The following PTK2 variants were observed in gnomAD, a reference collection of about 807,000 sequenced individuals.
The protein encoded by PTK2 is focal adhesion kinase 1.
PTK2 carries 45 observed loss-of-function variants against 150.1 expected under a neutral mutation model. The ratio of observed to expected loss-of-function variants is 0.30; its 90% CI spans 0.24 to 0.38. PTK2 has a LOEUF of 0.38. PTK2 is among the 10% of genes least tolerant of loss of function. The pLI is 1.00. For synonymous variants in PTK2, 432 were observed against 449.2 expected (o/e 0.96, Z 0.48); for missense variants, 919 against 1,307.3 (o/e 0.70, Z 4.58).
At chr8:140,880,403 T>C (rs1250450100) in intron 3 of PTK2, among the ~76,000 whole-genome samples, 2 of 152,108 alleles carry the variant, frequency 1.3e-5, no homozygotes, top group African/African-American at 4.8e-5. Context: ...CCTACCTAGG[T>C]ATGAGGGCCA....
intron 1 of PTK2, chr8:140,927,416 T>A (rs1337139079): frequency 6.6e-6 from 1 of 152,184 alleles, no homozygotes; most frequent in Non-Finnish European, 1.5e-5. Flanking sequence ...CCAAGCTAAC[T>A]GAAACAGAGA....
chr8:140,890,808 T>C lies in PTK2; in HGVS notation c.-32-39A>G, dbSNP rs147132163. On this transcript the variant is annotated intron_variant, in intron 2 of 31. Transcript: ENST00000522684. The stretch of plus-strand genomic sequence containing the variant: ...AAAATAATTTTTTGTGTATAATACT[T>C]GAAATCTACCAATTACAATGTGATA... The C allele has an allele frequency of 7.3e-4, 1,109 of 1,519,408 alleles. 9 individuals carry two copies. The African/African-American group carries it at 0.013, about 18-fold the overall frequency. The allele number at this position is 1,519,408 out of a possible 1,614,324, so 94.1% of individuals were successfully genotyped here.
intron 1 of PTK2, among the ~76,000 whole-genome samples, chr8:140,957,338 G>A (rs1030053145): frequency 6.6e-6 from 1 of 152,120 alleles, no homozygotes; most frequent in South Asian, 2.1e-4. Flanking sequence ...TGAGGTGGGA[G>A]GATCACTTGA....
At chr8:140,666,961 A>G (rs1420513699) in intron 30 of PTK2, among the ~76,000 whole-genome samples, 1 of 152,252 alleles carries the variant, frequency 6.6e-6, no homozygotes. Flanking sequence ...ATTCTGACAC[A>G]TGCTACAACA....
chr8:140,807,371 A>G (rs1347088414), intron 10 of PTK2, among the ~76,000 whole-genome samples: 2 of 152,386 alleles, frequency 1.3e-5, no homozygotes, highest in East Asian at 3.8e-4. Context: ...GACTAGGTAT[A>G]TTACATTCAG....
At chr8:140,759,824 C>G (rs943970043) in intron 16 of PTK2, among the ~76,000 whole-genome samples, 4 of 151,872 alleles carry the variant, frequency 2.6e-5, no homozygotes, top group African/African-American at 9.7e-5. Flanking sequence ...GCCTGACTGA[C>G]AGAGCAAGAC....
chr8:140,797,606 T>C (rs190415808), intron 12 of PTK2, among the ~76,000 whole-genome samples: 1 of 152,294 alleles, frequency 6.6e-6, no homozygotes, highest in African/African-American at 2.4e-5. Flanking sequence ...CAACTCTATA[T>C]TACACTATAC....
chr8:140,854,380 AAACT>A (rs552845623), intron 5 of PTK2, among the ~76,000 whole-genome samples: 62 of 152,348 alleles, frequency 4.1e-4, no homozygotes, highest in African/African-American at 1.4e-3. Flanking sequence ...ACTGGCCTTC[AAACT>A]AACAGCCACC....
At chr8:140,979,415 A>G (rs1271880718) in intron 1 of PTK2, among the ~76,000 whole-genome samples, 3 of 151,862 alleles carry the variant, frequency 2.0e-5, no homozygotes, top group Admixed American at 1.3e-4. Context: ...AAAAAAAAAA[A>G]GGCCAGAAAC....
At chr8:140,980,455 T>C (rs964841582) in intron 1 of PTK2, among the ~76,000 whole-genome samples, 9 of 152,018 alleles carry the variant, frequency 5.9e-5, no homozygotes, top group African/African-American at 2.2e-4. Flanking sequence ...ACCCCGTCTC[T>C]ACTAAAAATA....
chr8:140,835,998 G>T (rs971220414), intron 7 of PTK2, among the ~76,000 whole-genome samples: 1 of 152,100 alleles, frequency 6.6e-6, no homozygotes, highest in Non-Finnish European at 1.5e-5. Context: ...GCTGGCTCCT[G>T]ACCTGCATCC....
At chr8:140,918,094 A>C (rs978237969) in intron 2 of PTK2, among the ~76,000 whole-genome samples, 3 of 152,228 alleles carry the variant, frequency 2.0e-5, no homozygotes, top group African/African-American at 7.2e-5. Context: ...AGCTCATTTA[A>C]GCTGAGACCG....
At chr8:140,835,596 T>C (rs1485572305) in intron 7 of PTK2, among the ~76,000 whole-genome samples, 1 of 152,196 alleles carries the variant, frequency 6.6e-6, no homozygotes, top group Non-Finnish European at 1.5e-5. Flanking sequence ...ATTCTCCCCT[T>C]CATCCTGGGG....
intron 20 of PTK2, among the ~76,000 whole-genome samples, chr8:140,741,255 T>A (rs967408943): frequency 4.0e-5 from 6 of 151,678 alleles, no homozygotes; most frequent in Admixed American, 1.3e-4. Flanking sequence ...ATTGAGACCA[T>A]CCTGGCTAAC....
At chr8:140,785,323 A>G (rs1445605098) in intron 14 of PTK2, among the ~76,000 whole-genome samples, 3 of 152,234 alleles carry the variant, frequency 2.0e-5, no homozygotes, top group Admixed American at 6.5e-5. Context: ...AAACAATTAC[A>G]AAACTTATAT....
intron 3 of PTK2, among the ~76,000 whole-genome samples, chr8:140,889,285 A>G (rs536259287): frequency 1.3e-5 from 2 of 152,168 alleles, no homozygotes; most frequent in African/African-American, 4.8e-5. Context: ...GCTAGAGTGC[A>G]GTGGCACGAT....
At chr8:140,945,692 A>G (rs1017852027) in intron 1 of PTK2, among the ~76,000 whole-genome samples, 1 of 152,176 alleles carries the variant, frequency 6.6e-6, no homozygotes, top group Non-Finnish European at 1.5e-5. Flanking sequence ...GATTGTCACA[A>G]TTCCCATTTA....
chr8:140,660,669 T>A lies in PTK2; in HGVS notation c.2947-991A>T, dbSNP rs530295469. 1.3e-5 allele frequency: 6 copies of A among 454,160 alleles called. No individual in the cohort carries two copies. The East Asian group carries it at 2.8e-4, about 21-fold the overall frequency. The allele number at this position is 454,160 out of a possible 1,614,324, so 28.1% of individuals were successfully genotyped here. ...TGAGCCTGGAAGACAGAGGTTGTAG[T>A]GAGCCAAGATCGTGCCATTGCACTC... On this transcript the variant is annotated intron_variant, in intron 31 of 31. Transcript: ENST00000522684.
intron 3 of PTK2, among the ~76,000 whole-genome samples, chr8:140,882,649 C>G (rs1392694091): frequency 6.6e-6 from 1 of 152,114 alleles, no homozygotes; most frequent in Non-Finnish European, 1.5e-5. Context: ...ATGCCTGTAT[C>G]TTATCAGGAA....
Sources: allele counts gnomAD v4.1 joint callset (sites outside exome capture counted in the v4.1 genomes callset), GRCh38; gene constraint gnomAD v4.1.1; transcripts MANE v1.5; gene names NCBI Gene and HGNC (gene_info 2026-07-23, HGNC 2026-07-21).